NAALADL2: variants seen among roughly 807,000 people sequenced by gnomAD.
NAALADL2 encodes the protein N-acetylated alpha-linked acidic dipeptidase like 2, also known as inactive N-acetylated-alpha-linked acidic dipeptidase-like protein 2.
A neutral mutation model predicts 87.2 loss-of-function variants in NAALADL2; 76 were observed. The ratio of observed to expected loss-of-function variants is 0.87; its 90% CI spans 0.72 to 1.05. The LOEUF is 1.05. Ranked by LOEUF, NAALADL2 falls within the 50% of genes least tolerant of loss-of-function variation. The probability of loss-of-function intolerance (pLI) is 0.00; values close to 1 mark genes in which losing one functional copy is unlikely to be tolerated. For synonymous variants in NAALADL2, 354 were observed against 331.0 expected, an observed-to-expected ratio of 1.07 and a Z score of -0.75; for missense variants, 1,089 against 945.8, an observed-to-expected ratio of 1.15 and a Z score of -1.99.
chr3:174,483,042 G>T (rs1416880821), intron 1 of NAALADL2, among the ~76,000 whole-genome samples: 2 of 152,062 alleles, frequency 1.3e-5, no homozygotes, highest in East Asian at 3.9e-4. Context: ...CCTTGTGACT[G>T]GTGGAGATAC....
intron 5 of NAALADL2, among the ~76,000 whole-genome samples, chr3:175,427,122 T>C (rs993303740): frequency 6.6e-6 from 1 of 152,222 alleles, no homozygotes; most frequent in African/African-American, 2.4e-5. Context: ...GGTTAGGTTA[T>C]TTCTTGAATA....
chr3:174,780,069 C>T (rs1715749097), intron 3 of NAALADL2, among the ~76,000 whole-genome samples: 1 of 152,120 alleles, frequency 6.6e-6, no homozygotes, highest in Non-Finnish European at 1.5e-5. Flanking sequence ...GGCAGTATGG[C>T]CATTTTCATT....
At chr3:175,093,388 CTTT>C (rs1433683689) in intron 1 of NAALADL2, among the ~76,000 whole-genome samples, 1 of 127,742 alleles carries the variant, frequency 7.8e-6, no homozygotes, top group Non-Finnish European at 1.7e-5. Context: ...TTGATAGTTT[CTTT>C]TTTTGTTGAG....
At chr3:174,989,337 C>A (rs926293731) in intron 1 of NAALADL2, among the ~76,000 whole-genome samples, 1 of 152,248 alleles carries the variant, frequency 6.6e-6, no homozygotes, top group African/African-American at 2.4e-5. Context: ...GTGCAATTAG[C>A]ATGTAATTGT....
intron 2 of NAALADL2, among the ~76,000 whole-genome samples, chr3:174,658,771 A>G (rs1665776593): frequency 2.0e-5 from 3 of 152,232 alleles, no homozygotes; most frequent in East Asian, 1.9e-4. Flanking sequence ...AAAGCATTTT[A>G]TAATGGTTTG....
chr3:175,187,478 T>C (rs1737515336), intron 2 of NAALADL2, among the ~76,000 whole-genome samples: 1 of 152,214 alleles, frequency 6.6e-6, no homozygotes, highest in Non-Finnish European at 1.5e-5. Context: ...TTTGAATCTC[T>C]GTTTTCCTCA....
chr3:175,695,160 A>G lies in NAALADL2; in HGVS notation c.1897-42146A>G, dbSNP rs551584765. 5.3e-5 allele frequency among the ~76,000 whole-genome samples: 8 copies of G among 151,872 alleles called. No homozygotes were observed. In the Middle Eastern group the frequency reaches 0.01, roughly 195 times the overall value. On this transcript the variant is annotated intron_variant, in intron 11 of 13. Transcript: ENST00000454872. Reference sequence around the variant, plus strand: ...TTATGTAGAGTAATCTTTTTTAATTATACATAAACCATGGTTTCCAACAAG... The same window carrying G: ...TTATGTAGAGTAATCTTTTTTAATTGTACATAAACCATGGTTTCCAACAAG...
intron 11 of NAALADL2, among the ~76,000 whole-genome samples, chr3:175,705,321 G>C (rs1739530961): frequency 6.6e-6 from 1 of 152,100 alleles, no homozygotes; most frequent in African/African-American, 2.4e-5. Context: ...CATCGTGCTT[G>C]CTTTCTGCTG....
At chr3:175,023,146 C>A (rs1158607113) in intron 1 of NAALADL2, among the ~76,000 whole-genome samples, 1 of 151,994 alleles carries the variant, frequency 6.6e-6, no homozygotes, top group East Asian at 1.9e-4. Flanking sequence ...AACAAAAGAC[C>A]ACTCTGGACA....
chr3:175,666,480 A>G (rs951913422), intron 11 of NAALADL2, among the ~76,000 whole-genome samples: 5 of 152,206 alleles, frequency 3.3e-5, no homozygotes, highest in Non-Finnish European at 4.4e-5. Flanking sequence ...TCCACTATGC[A>G]GGATATTATA....
chr3:175,368,465 G>T (rs1203191367), intron 5 of NAALADL2, among the ~76,000 whole-genome samples: 1 of 151,986 alleles, frequency 6.6e-6, no homozygotes, highest in Non-Finnish European at 1.5e-5. Context: ...GGTAGAATTC[G>T]GCTGTGAATC....
At chr3:175,784,024 G>T (rs1476308572) in intron 13 of NAALADL2, among the ~76,000 whole-genome samples, 1 of 145,976 alleles carries the variant, frequency 6.9e-6, no homozygotes, top group Non-Finnish European at 1.5e-5. Context: ...TGTGTATATT[G>T]AACCAGCCTT....
intron 5 of NAALADL2, among the ~76,000 whole-genome samples, chr3:175,409,619 T>A (rs1335264608): frequency 1.3e-5 from 2 of 151,918 alleles, no homozygotes; most frequent in Non-Finnish European, 1.5e-5. Flanking sequence ...ACATTTTTTT[T>A]ACCAATCTCC....
intron 2 of NAALADL2, among the ~76,000 whole-genome samples, chr3:175,155,341 ATTC>A (rs2108805229): frequency 6.6e-6 from 1 of 152,276 alleles, no homozygotes; most frequent in Non-Finnish European, 1.5e-5. Context: ...CCTTTGACAC[ATTC>A]TTCTTCACCA....
chr3:175,193,391 T>G (rs531415849), intron 2 of NAALADL2, among the ~76,000 whole-genome samples: 1 of 151,986 alleles, frequency 6.6e-6, no homozygotes, highest in African/African-American at 2.4e-5. Context: ...CGGGCCCTTA[T>G]GCATGTGTAA....
At chr3:175,082,494 C>A (rs533596248) in intron 1 of NAALADL2, among the ~76,000 whole-genome samples, 6 of 152,182 alleles carry the variant, frequency 3.9e-5, no homozygotes, top group African/African-American at 1.4e-4. Flanking sequence ...ATAAATTATG[C>A]TGGGTAAACA....
intron 1 of NAALADL2, among the ~76,000 whole-genome samples, chr3:175,091,961 T>C (rs1019050795): frequency 2.0e-5 from 3 of 151,972 alleles, no homozygotes; most frequent in African/African-American, 7.2e-5. Context: ...CATAGGTTAA[T>C]TTAGTTAACC....
intron 11 of NAALADL2, among the ~76,000 whole-genome samples, chr3:175,720,873 A>G (rs1330057120): frequency 6.6e-6 from 1 of 152,192 alleles, no homozygotes; most frequent in African/African-American, 2.4e-5. Context: ...AAAGGCTGAG[A>G]CAAGTTTGCC....
intron 10 of NAALADL2, among the ~76,000 whole-genome samples, chr3:175,608,006 A>G (rs1256365957): frequency 2.6e-5 from 4 of 151,668 alleles, no homozygotes; most frequent in Non-Finnish European, 5.9e-5. Flanking sequence ...CAATAATGCT[A>G]AGGATTTTTG....
Sources: gnomAD v4.1 joint callset for allele counts (sites outside exome capture counted in the v4.1 genomes callset) on GRCh38, gnomAD v4.1.1 for gene constraint, MANE v1.5 for transcripts, NCBI Gene and HGNC (gene_info 2026-07-23, HGNC 2026-07-21) for gene names.